The following CYP27A1 variants were observed in gnomAD, a reference collection of about 807,000 sequenced individuals.
CYP27A1 encodes cytochrome P450 family 27 subfamily A member 1, also known as sterol 26-hydroxylase, mitochondrial.
CYP27A1 carries 46 observed loss-of-function variants against 58.2 expected under a neutral mutation model. The observed-to-expected ratio is 0.79, with a 90% CI of 0.62 to 1.01. The LOEUF (loss-of-function observed/expected upper bound fraction) is 1.01. Among genes scored for constraint, CYP27A1 ranks in the 50% least tolerant of loss-of-function variants. The probability of loss-of-function intolerance (pLI) is 0.00; values close to 1 mark genes in which losing one functional copy is unlikely to be tolerated. For missense variants in CYP27A1, 704 were observed against 687.0 expected (o/e 1.02, Z -0.28); for synonymous variants, 274 against 285.1 (o/e 0.96, Z 0.39).
chr2:218,803,572 C>T lies in CYP27A1; in HGVS notation c.256-6005C>T, dbSNP rs563361670. Among the ~76,000 whole-genome samples, 9 of 151,950 alleles carry T rather than the reference C, an allele frequency of 5.9e-5. No homozygotes were observed. The South Asian group carries it at 6.2e-4, about 11-fold the overall frequency. ...CCAGGTAGCTGGGACTACAGGCACACGCCACCACACCCAGCTAATTTTTGT... is the reference window on the plus strand; with the variant it reads ...CCAGGTAGCTGGGACTACAGGCACATGCCACCACACCCAGCTAATTTTTGT... On this transcript the variant is annotated intron_variant, in intron 1 of 8. Coordinates refer to ENST00000258415, the MANE Select transcript of CYP27A1 (RefSeq NM_000784.4).
intron 1 of CYP27A1, among the ~76,000 whole-genome samples, chr2:218,806,676 C>G (rs1352436234): frequency 6.6e-6 from 1 of 152,220 alleles, no homozygotes; most frequent in Non-Finnish European, 1.5e-5. Context: ...TGGCCTCCAG[C>G]CAGGTGTTTG....
intron 1 of CYP27A1, among the ~76,000 whole-genome samples, chr2:218,806,526 A>C (rs970628960): frequency 2.6e-5 from 4 of 152,234 alleles, no homozygotes; most frequent in Non-Finnish European, 5.9e-5. Flanking sequence ...TAACAGTGCC[A>C]CAGTTGAGTA....
intron 1 of CYP27A1, among the ~76,000 whole-genome samples, chr2:218,784,859 G>A (rs907979058): frequency 6.6e-6 from 1 of 152,120 alleles, no homozygotes; most frequent in Non-Finnish European, 1.5e-5. Flanking sequence ...ACTGAGAGAT[G>A]GTTTTGAAAT....
At position 218,809,167 on chromosome 2, in the gene CYP27A1, T is replaced by A. The variant is rs1943682593; in HGVS notation, c.256-410T>A. On this transcript the variant is annotated intron_variant, in intron 1 of 8. Coordinates refer to ENST00000258415, the MANE Select transcript of CYP27A1 (RefSeq NM_000784.4). ...TTCATTGACAGCAAGCTGCAGTAGATTTAAATACAAAAAAAGGAGCTATAG... is the reference window on the plus strand; with the variant it reads ...TTCATTGACAGCAAGCTGCAGTAGAATTAAATACAAAAAAAGGAGCTATAG... Among the ~76,000 whole-genome samples, 3 of 149,672 alleles carry A rather than the reference T, an allele frequency of 2.0e-5. No homozygotes were observed. The South Asian group carries it at 6.2e-4, about 31-fold the overall frequency.
chr2:218,809,938 T>C (rs938378140), intron 2 of CYP27A1, among the ~76,000 whole-genome samples, 171 bp downstream of exon 2: 2 of 152,190 alleles, frequency 1.3e-5, no homozygotes, highest in Admixed American at 6.5e-5. Flanking sequence ...GGACCATTCA[T>C]TGGCTCTCCA....
chr2:218,809,616 T>A lies in CYP27A1; in HGVS notation c.295T>A (p.Tyr99Asn). 6.2e-7 allele frequency: 1 copy of A among 1,614,172 alleles called. No homozygotes were observed. Among genetic ancestry groups the A allele is most frequent in the Middle Eastern group, 1.6e-4 (1 of 6,062 alleles). The part of the protein sequence containing the change: ...KAKYGPMWMS[Y>N]LGPQMHVNLA... The stretch of plus-strand genomic sequence containing the variant: ...CAAGTACGGTCCAATGTGGATGTCC[T>A]ACTTAGGGCCTCAGATGCACGTGAA... The change falls in exon 2 of 9, where the codon TAC (tyrosine) becomes AAC (asparagine). Residue 99 changes from tyrosine (Y) to asparagine (N), a missense_variant. Physicochemically the swap from Tyr to Asn is moderately radical, Grantham distance 143. Coordinates refer to ENST00000258415, the MANE Select transcript of CYP27A1 (RefSeq NM_000784.4).
intron 1 of CYP27A1, among the ~76,000 whole-genome samples, chr2:218,792,365 G>T (rs1943502252): frequency 6.6e-6 from 1 of 152,166 alleles, no homozygotes; most frequent in Non-Finnish European, 1.5e-5. Flanking sequence ...GATTTAGCAT[G>T]AACATCTGGC....
Position 218,814,459 on chromosome 2 carries a change from G to A in CYP27A1, c.1263+1G>A, listed in dbSNP as rs397515355. Reference sequence around the variant, plus strand: ...TGATGGCTTCCTCTTCCCCAAGAACGTGAGTGGGGCTAGAGAGCCCGATTG... The same window carrying A: ...TGATGGCTTCCTCTTCCCCAAGAACATGAGTGGGGCTAGAGAGCCCGATTG... On this transcript the variant is annotated splice_donor_variant, in intron 7 of 8. Transcript: ENST00000258415. LOFTEE classifies it high-confidence loss of function. The A allele has an allele frequency of 6.4e-5, 104 of 1,614,094 alleles. No homozygotes were observed. The highest frequency in any genetic ancestry group is 8.0e-5 in the African/African-American group (6 of 74,944).
intron 1 of CYP27A1, chr2:218,805,781 C>T (rs1164159621): frequency 6.6e-6 from 1 of 152,134 alleles, no homozygotes. Context: ...TTCCAACTGG[C>T]TCAGGTTACG....
chr2:218,790,851 C>T (rs771872316), intron 1 of CYP27A1, among the ~76,000 whole-genome samples: 1 of 152,064 alleles, frequency 6.6e-6, no homozygotes, highest in Non-Finnish European at 1.5e-5. Flanking sequence ...GGGTCCGCCA[C>T]CACTCCCGGC....
intron 1 of CYP27A1, among the ~76,000 whole-genome samples, chr2:218,801,470 C>T (rs187670610): frequency 3.3e-4 from 50 of 152,094 alleles, no homozygotes; most frequent in Admixed American, 9.2e-4. Context: ...GGTGCCACTG[C>T]ACTCCAGCCT....
Position 218,782,511 on chromosome 2 carries a change from T to C in CYP27A1, c.255+74T>C. ...CAGAGAGGCTAGAGGTGAGAAGACG[T>C]TGGACAGAAAGTGAAGGCTGCAGGA... On this transcript the variant is annotated intron_variant, in intron 1 of 8. Transcript: ENST00000258415. The surrounding 1 kb of genome is among the most constrained non-coding windows in gnomAD (Gnocchi z 4.1). The C allele has an allele frequency of 6.3e-7, 1 of 1,593,956 alleles. No homozygotes were observed. The highest frequency in any genetic ancestry group is 2.2e-5 in the East Asian group (1 of 44,688).
intron 4 of CYP27A1, 53 bp downstream of exon 4, chr2:218,812,802 C>G: frequency 6.2e-7 from 1 of 1,607,574 alleles, no homozygotes; most frequent in Non-Finnish European, 8.5e-7. Flanking sequence ...GACTCCAGGT[C>G]TGTGCATCAG....
At chr2:218,809,029 C>T (rs906954229) in intron 1 of CYP27A1, among the ~76,000 whole-genome samples, 1 of 151,916 alleles carries the variant, frequency 6.6e-6, no homozygotes, top group Non-Finnish European at 1.5e-5. Context: ...AATATCATAC[C>T]GCATGGCTTA....
intron 1 of CYP27A1, among the ~76,000 whole-genome samples, chr2:218,803,148 T>A (rs1159473112): frequency 6.6e-6 from 1 of 152,154 alleles, no homozygotes; most frequent in African/African-American, 2.4e-5. Context: ...TTTTGCCATA[T>A]TGGCCAGGCT....
In CYP27A1 at chr2:218,812,218, G is replaced by T. The variant is rs2105979874; in HGVS notation, c.447-4G>T. 1.2e-6 allele frequency: 2 copies of T among 1,613,186 alleles called. No individual in the cohort carries two copies. The highest frequency in any genetic ancestry group is 1.7e-6 in the Non-Finnish European group (2 of 1,179,298). On this transcript the variant is annotated splice_polypyrimidine_tract_variant and splice_region_variant and intron_variant, in intron 2 of 8. Transcript: ENST00000258415. ...CTTTGTGCTGTTCCTCTGCGTCCCT[G>T]CAGGGAAGGACACCACTGGTACCAG...
intron 7 of CYP27A1, 41 bp from the exon 8 acceptor site, chr2:218,814,504 C>T: frequency 6.2e-7 from 1 of 1,612,046 alleles, no homozygotes; most frequent in African/African-American, 1.3e-5. Context: ...GCCCTATGCC[C>T]CCGAAGAGAG....
At chr2:218,784,120 T>C (rs1339262026) in intron 1 of CYP27A1, among the ~76,000 whole-genome samples, 2 of 152,040 alleles carry the variant, frequency 1.3e-5, no homozygotes, top group African/African-American at 4.8e-5. Flanking sequence ...AGGGAGAAGA[T>C]GACTCTGAGG....
chr2:218,808,626 T>G (rs1943675014), intron 1 of CYP27A1, among the ~76,000 whole-genome samples: 2 of 152,222 alleles, frequency 1.3e-5, no homozygotes, highest in Non-Finnish European at 2.9e-5. Context: ...GAACCGATTC[T>G]GATCCTCTCA....
Sources: gnomAD v4.1 joint callset for allele counts (sites outside exome capture counted in the v4.1 genomes callset) on GRCh38, gnomAD v4.1.1 for gene constraint, Gnocchi (gnomAD v3.1) non-coding constraint, MANE v1.5 for transcripts, NCBI Gene and HGNC (gene_info 2026-07-23, HGNC 2026-07-21) for gene names.